The following SNCAIP variants were observed in gnomAD, a reference collection of about 807,000 sequenced individuals.
The protein encoded by SNCAIP is synuclein alpha interacting protein.
SNCAIP carries 43 observed loss-of-function variants against 86.7 expected under a neutral mutation model. The observed-to-expected ratio is 0.50, with a 90% confidence interval of 0.39 to 0.64. The LOEUF is 0.64. Ranked by LOEUF, SNCAIP falls within the 30% of genes least tolerant of loss-of-function variation. SNCAIP has a pLI of 0.00. For missense variants in SNCAIP, 981 were observed against 1,103.1 expected, an observed-to-expected ratio of 0.89 and a Z score of 1.57; for synonymous variants, 417 against 427.2, an observed-to-expected ratio of 0.98 and a Z score of 0.29.
chr5:122,316,014 A>G (rs76594136), intron 1 of SNCAIP, among the ~76,000 whole-genome samples: 1 of 152,052 alleles, frequency 6.6e-6, no homozygotes, highest in African/African-American at 2.4e-5. Flanking sequence ...AAAAATCAAT[A>G]AGGGATTTAT....
intron 1 of SNCAIP, among the ~76,000 whole-genome samples, chr5:122,349,825 A>G (rs1759404715): frequency 1.3e-5 from 2 of 152,116 alleles, no homozygotes; most frequent in South Asian, 4.1e-4. Context: ...TCATCGGGCC[A>G]TGATGTTTTG....
At chr5:122,378,807 CA>C (rs1204372435) in intron 1 of SNCAIP, among the ~76,000 whole-genome samples, 1 of 145,024 alleles carries the variant, frequency 6.9e-6, no homozygotes, top group African/African-American at 2.6e-5. Flanking sequence ...AATCCTTCCC[CA>C]TTGCTTGTTT....
intron 10 of SNCAIP, among the ~76,000 whole-genome samples, chr5:122,460,640 G>A (rs1291823901): frequency 2.0e-5 from 3 of 152,018 alleles, no homozygotes; most frequent in African/African-American, 7.2e-5. Context: ...AGTATTCAGT[G>A]TTAATTATCA....
At chr5:122,367,368 A>G (rs1336517733) in intron 1 of SNCAIP, among the ~76,000 whole-genome samples, 1 of 152,228 alleles carries the variant, frequency 6.6e-6, no homozygotes, top group Non-Finnish European at 1.5e-5. Context: ...GTGCTGGGTT[A>G]GGAACTAAAA....
chr5:122,327,339 G>C (rs1174314029), intron 1 of SNCAIP, among the ~76,000 whole-genome samples: 1 of 152,116 alleles, frequency 6.6e-6, no homozygotes. Flanking sequence ...TAGAGTAATT[G>C]ATGATGTTTG....
At chr5:122,311,606 C>A (rs1441625242), upstream of SNCAIP, 1 of 147,794 alleles carries the variant, frequency 6.8e-6, no homozygotes, top group Non-Finnish European at 1.5e-5. Context: ...GAGATGGCAG[C>A]GGTTAACGCT....
intron 3 of SNCAIP, among the ~76,000 whole-genome samples, chr5:122,415,453 T>G (rs1048624330): frequency 6.6e-6 from 1 of 152,258 alleles, no homozygotes; most frequent in Non-Finnish European, 1.5e-5. Flanking sequence ...AACACTCTTA[T>G]ACCCTAAAGA....
chr5:122,350,435 A>C (rs1367370562), intron 1 of SNCAIP, among the ~76,000 whole-genome samples: 1 of 151,996 alleles, frequency 6.6e-6, no homozygotes, highest in Non-Finnish European at 1.5e-5. Context: ...TATACTAAAT[A>C]GATATTATAG....
At chr5:122,424,186 T>A (rs1029819708) in intron 4 of SNCAIP, among the ~76,000 whole-genome samples, 2 of 152,202 alleles carry the variant, frequency 1.3e-5, no homozygotes, top group African/African-American at 2.4e-5. Context: ...TTGGACCAGG[T>A]TGTTTGAAAA....
At chr5:122,433,145 G>GTA in intron 6 of SNCAIP, among the ~76,000 whole-genome samples, 1 of 141,920 alleles carries the variant, frequency 7.0e-6, no homozygotes, top group Middle Eastern at 3.7e-3. Context: ...GTGTGTGTGT[G>GTA]TGTATAATAT....
chr5:122,403,861 A>G lies in SNCAIP; in HGVS notation c.126A>G (p.Arg42=). 1 of 1,613,162 alleles carries G rather than the reference A, an allele frequency of 6.2e-7. No homozygotes were observed. Among genetic ancestry groups the G allele is most frequent in the South Asian group, 1.1e-5 (1 of 91,072 alleles). The change falls in exon 3 of 11, where the codon AGA becomes AGG. Residue 42 remains arginine, a synonymous_variant. Transcript: ENST00000261368. The part of the protein sequence containing the change: ...CRRCDTQNED[R]SVSSSSWNCG... ...GATGTGATACGCAAAACGAAGACAG[A>G]TCAGGTAGGTTTTGCTCCTCCCCTC...
Position 122,451,268 on chromosome 5 carries a change from G to A in SNCAIP, c.2421G>A (p.Arg807=), listed in dbSNP as rs1223146802. Residue 807 remains arginine (R), a synonymous_variant, in exon 10 of 11, where the codon AGG becomes AGA. Coordinates refer to ENST00000261368, the MANE Select transcript of SNCAIP (RefSeq NM_005460.4). ...TCAAGTCTCCATCTTCCAAGCGTAG[G>A]ACATCTCAGAACTTAAAACTGAGAG... The part of the protein sequence containing the change: ...SALKSPSSKR[R]TSQNLKLRVT... The A allele has an allele frequency of 6.2e-7, 1 of 1,614,086 alleles. No homozygotes were observed. Among genetic ancestry groups the A allele is most frequent in the Non-Finnish European group, 8.5e-7 (1 of 1,180,014 alleles).
At chr5:122,314,031 C>T (rs889693110) in intron 1 of SNCAIP, among the ~76,000 whole-genome samples, 1 of 152,174 alleles carries the variant, frequency 6.6e-6, no homozygotes, top group African/African-American at 2.4e-5. Flanking sequence ...ATGCTGCATT[C>T]ATGAATTTGA....
intron 5 of SNCAIP, among the ~76,000 whole-genome samples, chr5:122,427,445 A>T (rs1777596505): frequency 6.6e-6 from 1 of 151,772 alleles, no homozygotes; most frequent in Non-Finnish European, 1.5e-5. Context: ...TACAGGTTTG[A>T]GGTCTCAGGC....
intron 6 of SNCAIP, among the ~76,000 whole-genome samples, chr5:122,435,652 T>G (rs1779283611): frequency 6.6e-6 from 1 of 152,092 alleles, no homozygotes; most frequent in South Asian, 2.1e-4. Context: ...ATATTTGCCC[T>G]AATACAGATT....
chr5:122,335,947 G>T (rs1756356055), intron 1 of SNCAIP, among the ~76,000 whole-genome samples: 1 of 152,164 alleles, frequency 6.6e-6, no homozygotes, highest in Admixed American at 6.6e-5. Flanking sequence ...AAAGAACCTG[G>T]CGATTCATGA....
chr5:122,392,506 C>T (rs1029726584), intron 2 of SNCAIP, among the ~76,000 whole-genome samples: 1 of 152,020 alleles, frequency 6.6e-6, no homozygotes, highest in Non-Finnish European at 1.5e-5. Flanking sequence ...CCCCTCACAG[C>T]CATTGTGGGA....
chr5:122,430,127 C>G (rs1167737471), intron 5 of SNCAIP, among the ~76,000 whole-genome samples: 1 of 152,130 alleles, frequency 6.6e-6, no homozygotes, highest in Non-Finnish European at 1.5e-5. Flanking sequence ...AGCAGATTAC[C>G]TCATTGTCCT....
intron 1 of SNCAIP, among the ~76,000 whole-genome samples, chr5:122,377,764 C>G (rs1580810642): frequency 6.9e-6 from 1 of 144,350 alleles, no homozygotes; most frequent in South Asian, 2.2e-4. Context: ...TGTTCAATTC[C>G]CACCTATGAG....
Sources: allele counts gnomAD v4.1 joint callset (sites outside exome capture counted in the v4.1 genomes callset), GRCh38; gene constraint gnomAD v4.1.1; transcripts MANE v1.5; gene names NCBI Gene and HGNC (gene_info 2026-07-23, HGNC 2026-07-21).